Variants in ROR1 observed in about 807,000 individuals in gnomAD.
ROR1 encodes the protein inactive tyrosine-protein kinase transmembrane receptor ROR1.
ROR1 carries 19 observed loss-of-function variants against 78.8 expected under a neutral mutation model. The observed-to-expected ratio is 0.24, with a 90% CI of 0.17 to 0.35. The LOEUF is 0.35. ROR1 is among the 10% of genes least tolerant of loss of function. ROR1 has a pLI of 1.00. For missense variants in ROR1, 917 were observed against 1,177.8 expected, an observed-to-expected ratio of 0.78 and a Z score of 3.24; for synonymous variants, 386 against 433.6, an observed-to-expected ratio of 0.89 and a Z score of 1.36.
chr1:63,817,576 C>T (rs1174666544), intron 1 of ROR1, among the ~76,000 whole-genome samples: 1 of 152,082 alleles, frequency 6.6e-6, no homozygotes, highest in East Asian at 1.9e-4. Flanking sequence ...TTAGCATGCT[C>T]TGGTACATAG....
At chr1:64,057,616 G>A (rs1646885704) in intron 4 of ROR1, among the ~76,000 whole-genome samples, 1 of 152,020 alleles carries the variant, frequency 6.6e-6, no homozygotes, top group African/African-American at 2.4e-5. Context: ...GATTGGATCA[G>A]GCCCACCCAA....
At position 64,179,112 on chromosome 1, in the gene ROR1, A is replaced by G. The variant is rs1030743022; in HGVS notation, c.*257A>G. 8.1e-6 allele frequency: 3 copies of G among 368,356 alleles called. No homozygotes were observed. Among genetic ancestry groups the G allele is most frequent in the Non-Finnish European group, 1.5e-5 (3 of 205,568 alleles). The allele number at this position is 368,356 out of a possible 1,614,324, so 22.8% of individuals were successfully genotyped here. A position where few individuals can be genotyped will look rare whatever the true frequency, so the allele number is the denominator to read the frequency against. On this transcript the variant is annotated 3_prime_UTR_variant, in exon 9 of 9. Coordinates refer to ENST00000371079, the MANE Select transcript of ROR1 (RefSeq NM_005012.4). ...GTGCATGACATGGCATTGGGATTGG[A>G]ACATGTGGTTTCGAGCACTGAAAGC...
At chr1:63,813,778 A>G (rs1340554961) in intron 1 of ROR1, among the ~76,000 whole-genome samples, 1 of 152,246 alleles carries the variant, frequency 6.6e-6, no homozygotes, top group Non-Finnish European at 1.5e-5. Flanking sequence ...AGAAAAGCAT[A>G]TTTATTGCTT....
intron 1 of ROR1, among the ~76,000 whole-genome samples, chr1:63,898,960 C>T (rs1317742594): frequency 6.6e-6 from 1 of 152,054 alleles, no homozygotes; most frequent in Admixed American, 6.5e-5. Flanking sequence ...TAATAAATCT[C>T]CTGGAAAGTT....
chr1:64,145,922 A>G (rs1308982158), intron 7 of ROR1, among the ~76,000 whole-genome samples: 1 of 152,222 alleles, frequency 6.6e-6, no homozygotes, highest in East Asian at 1.9e-4. Context: ...AGGGTCATCC[A>G]GCTAGTAAAT....
chr1:63,846,786 A>G (rs2100323862), intron 1 of ROR1, among the ~76,000 whole-genome samples: 1 of 152,294 alleles, frequency 6.6e-6, no homozygotes, highest in Non-Finnish European at 1.5e-5. Flanking sequence ...ACATGACGTA[A>G]CTCTGCGCTC....
At chr1:64,126,826 C>T (rs1648727668) in intron 4 of ROR1, among the ~76,000 whole-genome samples, 1 of 152,110 alleles carries the variant, frequency 6.6e-6, no homozygotes, top group African/African-American at 2.4e-5. Flanking sequence ...TGAGAACAGT[C>T]CTTGTTGGAT....
At position 63,983,426 on chromosome 1, in the gene ROR1, G is replaced by A. The variant is rs917803545; in HGVS notation, c.92-25879G>A. On this transcript the variant is annotated intron_variant, in intron 1 of 8. Coordinates refer to ENST00000371079, the MANE Select transcript of ROR1 (RefSeq NM_005012.4). The stretch of plus-strand genomic sequence containing the variant: ...CTATGCTGCTGAGAGATGGGCAATA[G>A]GGGAAGCGGGACCCCTCTAGAAGTG... Among the ~76,000 whole-genome samples, 7 of 152,300 alleles carry A rather than the reference G, an allele frequency of 4.6e-5. No individual in the cohort carries two copies. In the South Asian group the frequency reaches 1.2e-3, roughly 27 times the overall value.
rs1421622915 is a variant in ROR1 at position 63,967,521 on chromosome 1, T to TGCAG, written c.92-41783_92-41782insCAGG. Among the ~76,000 whole-genome samples, 3 of 152,220 alleles carry TGCAG rather than the reference T, an allele frequency of 2.0e-5. No homozygotes were observed. In the East Asian group the frequency reaches 5.8e-4, roughly 29 times the overall value. On this transcript the variant is annotated intron_variant, in intron 1 of 8. Transcript: ENST00000371079. ...GACTACAGGTGCATGCCACCACCCC[T>TGCAG]GGCCTCCACTCATCTTAGGAGTTCT...
At chr1:64,138,148 G>A (rs906611330) in intron 5 of ROR1, among the ~76,000 whole-genome samples, 9 of 152,170 alleles carry the variant, frequency 5.9e-5, no homozygotes, top group Non-Finnish European at 8.8e-5. Flanking sequence ...GATTTTGCAC[G>A]CATCGTTCTG....
chr1:63,837,604 T>C (rs922773640), intron 1 of ROR1, among the ~76,000 whole-genome samples: 2 of 152,192 alleles, frequency 1.3e-5, no homozygotes, highest in Non-Finnish European at 2.9e-5. Flanking sequence ...TATCTTTGCT[T>C]GAGGCCAGGA....
chr1:63,807,270 A>T (rs533258396), intron 1 of ROR1, among the ~76,000 whole-genome samples: 1 of 152,286 alleles, frequency 6.6e-6, no homozygotes, highest in South Asian at 2.1e-4. Flanking sequence ...AATGATGGGC[A>T]AGGTGGGGGT....
At chr1:63,956,552 C>T (rs1645984141) in intron 1 of ROR1, among the ~76,000 whole-genome samples, 1 of 150,468 alleles carries the variant, frequency 6.6e-6, no homozygotes, top group Admixed American at 6.6e-5. Context: ...GGACCCAAGG[C>T]AGTGGCCCAA....
chr1:64,103,200 G>GAAA (rs1647638324), intron 4 of ROR1, among the ~76,000 whole-genome samples: 2 of 152,038 alleles, frequency 1.3e-5, no homozygotes, highest in Non-Finnish European at 2.9e-5. Flanking sequence ...GCTCTTTTTT[G>GAAA]GTTCCATATG....
At chr1:64,133,024 G>A (rs1399745023) in intron 4 of ROR1, among the ~76,000 whole-genome samples, 3 of 152,016 alleles carry the variant, frequency 2.0e-5, no homozygotes, top group Non-Finnish European at 4.4e-5. Flanking sequence ...TAAGGTGGGC[G>A]CTAAACAGAT....
chr1:63,806,459 A>C (rs1170717897), intron 1 of ROR1, among the ~76,000 whole-genome samples: 1 of 151,966 alleles, frequency 6.6e-6, no homozygotes, highest in African/African-American at 2.4e-5. Context: ...CTGGGACTAC[A>C]GGTGCCCGCC....
intron 1 of ROR1, among the ~76,000 whole-genome samples, chr1:63,865,938 GCAAGT>G (rs1645212999): frequency 6.6e-6 from 1 of 152,108 alleles, no homozygotes; most frequent in Admixed American, 6.6e-5. Context: ...ATGAAATGTG[GCAAGT>G]CTGGTGGAGA....
intron 6 of ROR1, among the ~76,000 whole-genome samples, chr1:64,142,089 G>A (rs1027930224): frequency 6.6e-6 from 1 of 152,152 alleles, no homozygotes; most frequent in African/African-American, 2.4e-5. Context: ...CCATTCACTA[G>A]GAAATTACTT....
intron 1 of ROR1, among the ~76,000 whole-genome samples, chr1:63,979,655 A>T (rs1032456468): frequency 3.3e-5 from 5 of 152,110 alleles, no homozygotes; most frequent in Non-Finnish European, 7.4e-5. Flanking sequence ...GCCAGTGGGC[A>T]TGGGGCTCTG....
Sources: gnomAD v4.1 joint callset for allele counts (sites outside exome capture counted in the v4.1 genomes callset) on GRCh38, gnomAD v4.1.1 for gene constraint, MANE v1.5 for transcripts, NCBI Gene and HGNC (gene_info 2026-07-23, HGNC 2026-07-21) for gene names.